OR7C1: variants seen among roughly 807,000 people sequenced by gnomAD.
OR7C1 encodes the protein olfactory receptor 7C1.
For missense variants in OR7C1, 324 were observed against 383.3 expected, an observed-to-expected ratio of 0.85 and a Z score of 1.29; for synonymous variants, 152 against 160.7, an observed-to-expected ratio of 0.95 and a Z score of 0.41.
chr19:14,818,463 A>C (rs183074339), intron 1 of OR7C1, among the ~76,000 whole-genome samples: 1 of 152,176 alleles, frequency 6.6e-6, no homozygotes, highest in Non-Finnish European at 1.5e-5. Context: ...TGTTTATTTA[A>C]TAAGTGAAAA....
chr19:14,816,273 A>T, intron 1 of OR7C1, among the ~76,000 whole-genome samples: 1 of 152,208 alleles, frequency 6.6e-6, no homozygotes, highest in East Asian at 1.9e-4. Flanking sequence ...CAACTTGATT[A>T]AACTGAAGGA....
In OR7C1 at chr19:14,815,803, G is replaced by GTC. The variant is rs1035771206; in HGVS notation, c.-622-5811_-622-5810insGA. Among the ~76,000 whole-genome samples the GTC allele has an allele frequency of 2.0e-4, 31 of 151,824 alleles. 1 individual carries two copies. The highest frequency in any genetic ancestry group is 3.4e-3 in the Middle Eastern group (1 of 294). On this transcript the variant is annotated intron_variant, in intron 1 of 4. Transcript: ENST00000641666. ...TTTGTGCGTGTGTGTGTGTGTGTGT[G>GTC]TGTGTGTGTGTGTCTGTGTCTGGGT...
intron 2 of OR7C1, among the ~76,000 whole-genome samples, chr19:14,805,116 A>G (rs1264799057): frequency 1.3e-5 from 2 of 151,870 alleles, no homozygotes; most frequent in Admixed American, 6.6e-5. Context: ...TATGGCCTCA[A>G]TGTTTGAATT....
At chr19:14,818,081 T>TATTTATTTATTC (rs2044724394) in intron 1 of OR7C1, among the ~76,000 whole-genome samples, 1 of 149,726 alleles carries the variant, frequency 6.7e-6, no homozygotes. Flanking sequence ...TTTATTTATT[T>TATTTATTTATTC]ATTTATTTAT....
At chr19:14,809,498 A>G (rs2044681191) in intron 2 of OR7C1, among the ~76,000 whole-genome samples, 1 of 152,014 alleles carries the variant, frequency 6.6e-6, no homozygotes, top group Admixed American at 6.6e-5. Flanking sequence ...ATTGAAAGCA[A>G]GAAGAAACAT....
At chr19:14,829,042 G>GT (rs1248181141) in intron 1 of OR7C1, among the ~76,000 whole-genome samples, 10 of 152,118 alleles carry the variant, frequency 6.6e-5, no homozygotes, top group Admixed American at 3.3e-4. Context: ...TGTTTCTTTT[G>GT]TTTTTTGTTT....
At chr19:14,833,849 T>C (rs1330875412) in intron 1 of OR7C1, among the ~76,000 whole-genome samples, 1 of 152,206 alleles carries the variant, frequency 6.6e-6, no homozygotes, top group Non-Finnish European at 1.5e-5. Flanking sequence ...CTTTCTCAGC[T>C]GTCATAGATT....
chr19:14,824,071 G>A (rs1299540831), intron 1 of OR7C1, among the ~76,000 whole-genome samples: 1 of 152,070 alleles, frequency 6.6e-6, no homozygotes, highest in African/African-American at 2.4e-5. Context: ...AAAGTCCCCA[G>A]ATTTTCTAGA....
Position 14,818,053 on chromosome 19 carries a change from T to TTTTA in OR7C1, c.-622-8064_-622-8061dup, listed in dbSNP as rs144535441. On this transcript the variant is annotated intron_variant, in intron 1 of 4. Coordinates refer to ENST00000641666, the Ensembl canonical transcript of OR7C1. ...GCCACAGCAGTTAATAAGTCATACA[T>TTTTA]TTTATTTATTTTATTTATTTATTTA... 2.0e-4 allele frequency among the ~76,000 whole-genome samples: 25 copies of TTTTA among 123,242 alleles called. 1 individual carries two copies. Among genetic ancestry groups the TTTTA allele is most frequent in the Admixed American group, 4.8e-4 (6 of 12,436 alleles). 80.9% of individuals were successfully genotyped at this position (123,242 alleles called of 152,430 possible).
intron 1 of OR7C1, among the ~76,000 whole-genome samples, chr19:14,813,716 A>AAG (rs2044702613): frequency 6.6e-6 from 1 of 151,832 alleles, no homozygotes; most frequent in Admixed American, 6.6e-5. Context: ...GAGAGAGAGA[A>AAG]GGGGGGCGTG....
intron 2 of OR7C1, among the ~76,000 whole-genome samples, chr19:14,807,727 T>C (rs1283762725): frequency 6.6e-6 from 1 of 151,706 alleles, no homozygotes; most frequent in Admixed American, 6.6e-5. Context: ...AAACCCTGTC[T>C]CTACTAAAAA....
intron 1 of OR7C1, among the ~76,000 whole-genome samples, chr19:14,823,690 C>A (rs766837945): frequency 2.0e-5 from 3 of 152,282 alleles, no homozygotes; most frequent in African/African-American, 2.4e-5. Flanking sequence ...TTATTTAGCT[C>A]CCACTTGTAA....
exon 5 of OR7C1, chr19:14,799,879 C>T (rs756861260): frequency 6.2e-7 from 1 of 1,613,958 alleles, no homozygotes; most frequent in African/African-American, 1.3e-5. Flanking sequence ...TGTTCTGTGT[C>T]AGTATATTCA....
At chr19:14,820,969 G>T (rs1210823550) in intron 1 of OR7C1, among the ~76,000 whole-genome samples, 1 of 152,112 alleles carries the variant, frequency 6.6e-6, no homozygotes, top group African/African-American at 2.4e-5. Context: ...AAAAACATGT[G>T]TGGGCCGGGC....
Position 14,799,608 on chromosome 19 carries a change from A to T in OR7C1, c.529T>A (p.Phe177Ile), listed in dbSNP as rs138119508. ...AGGACTTCAAGTAGATCACAAAAAA[A>T]GTGTGGAATTTCCATTTCGGTGCAG... Residue 177 changes from phenylalanine (F) to isoleucine (I), a missense_variant, in exon 5 of 5, where the codon TTT (phenylalanine) becomes ATT (isoleucine). Coordinates refer to ENST00000641666, the Ensembl canonical transcript of OR7C1. 2.5e-5 allele frequency: 41 copies of T among 1,614,128 alleles called. No homozygotes were observed. In the African/African-American group the frequency reaches 4.4e-4, roughly 17 times the overall value.
chr19:14,800,100 G>C (rs1717400913), exon 5 of OR7C1: 1 of 1,595,310 alleles, frequency 6.3e-7, no homozygotes, highest in Non-Finnish European at 8.6e-7. Flanking sequence ...CCCAGGAGGA[G>C]AAATTCTTGG....
exon 5 of OR7C1, chr19:14,799,052 C>T (rs2044625165): frequency 7.9e-7 from 1 of 1,273,090 alleles, no homozygotes; most frequent in Non-Finnish European, 1.0e-6. Context: ...TAATTTCTTT[C>T]TAGCTCCTGT....
chr19:14,801,962 A>C (rs899009150), intron 2 of OR7C1, among the ~76,000 whole-genome samples: 4 of 152,214 alleles, frequency 2.6e-5, no homozygotes, highest in Non-Finnish European at 4.4e-5. Flanking sequence ...TGGGGATTAT[A>C]ATTCGAGATG....
intron 1 of OR7C1, among the ~76,000 whole-genome samples, chr19:14,811,497 G>T (rs561636818): frequency 2.0e-5 from 3 of 151,994 alleles, no homozygotes; most frequent in Admixed American, 2.0e-4. Context: ...CTCATCTCAG[G>T]ATGCCTAATT....
Sources: gnomAD v4.1 joint callset for allele counts (sites outside exome capture counted in the v4.1 genomes callset) on GRCh38, gnomAD v4.1.1 for gene constraint, MANE v1.5 for transcripts, NCBI Gene and HGNC (gene_info 2026-07-23, HGNC 2026-07-21) for gene names.